Variants in PIGN observed in about 807,000 individuals in gnomAD.
PIGN encodes the protein GPI ethanolamine phosphate transferase 1.
Under a neutral mutation model 125.4 loss-of-function variants are expected in PIGN, and 117 were observed. The observed-to-expected ratio is 0.93, with a 90% confidence interval of 0.80 to 1.09. The LOEUF is 1.09. Among genes scored for constraint, PIGN ranks in the 50% least tolerant of loss-of-function variants. The pLI, the probability that PIGN is intolerant of heterozygous loss-of-function variation, is 0.00. For missense variants in PIGN, 1,075 were observed against 1,094.9 expected, an observed-to-expected ratio of 0.98 and a Z score of 0.26; for synonymous variants, 392 against 377.8, an observed-to-expected ratio of 1.04 and a Z score of -0.44.
intron 14 of PIGN, among the ~76,000 whole-genome samples, chr18:62,118,986 C>T (rs556811499): frequency 1.3e-5 from 2 of 151,876 alleles, no homozygotes; most frequent in East Asian, 3.9e-4. Context: ...TTGGTAGTCT[C>T]AAGATGTACA....
At chr18:62,060,203 A>C (rs1050673992) in intron 30 of PIGN, among the ~76,000 whole-genome samples, 2 of 152,236 alleles carry the variant, frequency 1.3e-5, no homozygotes, top group African/African-American at 4.8e-5. Context: ...GCAGAGTTAA[A>C]GGAACATCAA....
chr18:62,115,404 G>A (rs550473604), intron 14 of PIGN, among the ~76,000 whole-genome samples: 1 of 152,224 alleles, frequency 6.6e-6, no homozygotes, highest in East Asian at 1.9e-4. Context: ...AATATATGCT[G>A]CTTAACTAAA....
At chr18:62,057,056 C>A (rs2031784978) in intron 30 of PIGN, among the ~76,000 whole-genome samples, 1 of 152,154 alleles carries the variant, frequency 6.6e-6, no homozygotes, top group Non-Finnish European at 1.5e-5. Context: ...GAAACTGGTC[C>A]CTGGTGCCAA....
intron 12 of PIGN, 79 bp from the exon 13 acceptor site, chr18:62,139,154 G>T: frequency 2.6e-6 from 2 of 781,192 alleles, no homozygotes; most frequent in East Asian, 2.7e-5. Flanking sequence ...AGACTTAAAA[G>T]CAATAAAGAT....
At chr18:62,078,245 G>C (rs1347012828) in intron 28 of PIGN, among the ~76,000 whole-genome samples, 1 of 152,190 alleles carries the variant, frequency 6.6e-6, no homozygotes, top group African/African-American at 2.4e-5. Context: ...CTGGAGAGTG[G>C]AGCAGTTGGG....
At chr18:62,058,436 C>T (rs1165842293) in intron 30 of PIGN, among the ~76,000 whole-genome samples, 1 of 152,168 alleles carries the variant, frequency 6.6e-6, no homozygotes, top group Non-Finnish European at 1.5e-5. Context: ...ATTGAAATAG[C>T]ATCAACAGAA....
intron 23 of PIGN, among the ~76,000 whole-genome samples, chr18:62,033,891 T>C (rs1479003812): frequency 2.6e-5 from 4 of 152,210 alleles, no homozygotes; most frequent in South Asian, 2.1e-4. Context: ...CATAAGTGCA[T>C]TGAGACCAAT....
chr18:62,130,833 G>C (rs2035706976), intron 14 of PIGN, among the ~76,000 whole-genome samples: 1 of 151,740 alleles, frequency 6.6e-6, no homozygotes, highest in South Asian at 2.1e-4. Flanking sequence ...CTATTTAAAG[G>C]GAAAAATATT....
chr18:62,149,518 G>T (rs2036455663), intron 7 of PIGN, among the ~76,000 whole-genome samples: 1 of 152,054 alleles, frequency 6.6e-6, no homozygotes, highest in Non-Finnish European at 1.5e-5. Flanking sequence ...ATCCTTTCTG[G>T]CAGCTAGATG....
intron 23 of PIGN, among the ~76,000 whole-genome samples, chr18:62,022,866 C>A (rs1185606467): frequency 6.6e-6 from 1 of 152,270 alleles, no homozygotes; most frequent in East Asian, 1.9e-4. Flanking sequence ...TCTGCAGGTG[C>A]TCAAGTCCTT....
chr18:62,142,400 G>A (rs2036171607), intron 11 of PIGN, among the ~76,000 whole-genome samples: 1 of 152,186 alleles, frequency 6.6e-6, no homozygotes, highest in Non-Finnish European at 1.5e-5. Context: ...AATAAGGGAT[G>A]TTCTTGTTTT....
chr18:62,154,674 AT>A, intron 6 of PIGN, 23 bp from the exon 7 acceptor site: 1 of 1,067,984 alleles, frequency 9.4e-7, no homozygotes, highest in South Asian at 1.3e-5. Flanking sequence ...TTTGGAAAAA[AT>A]AATCTTTTTA....
At chr18:62,067,650 C>T (rs935957458) in intron 30 of PIGN, among the ~76,000 whole-genome samples, 2 of 152,210 alleles carry the variant, frequency 1.3e-5, no homozygotes, top group Admixed American at 6.5e-5. Flanking sequence ...GAGTTCATCA[C>T]TTACTCATTT....
intron 4 of PIGN, among the ~76,000 whole-genome samples, chr18:62,160,745 G>A (rs1050681970): frequency 2.6e-5 from 4 of 152,106 alleles, no homozygotes; most frequent in African/African-American, 9.7e-5. Context: ...CTGACCTCAG[G>A]TGATCCCTGT....
intron 6 of PIGN, among the ~76,000 whole-genome samples, chr18:62,154,855 A>G (rs571948194): frequency 6.6e-5 from 10 of 152,196 alleles, no homozygotes; most frequent in Non-Finnish European, 1.3e-4. Flanking sequence ...ACTTTAATGT[A>G]TTCTATTGCT....
chr18:62,114,485 A>G (rs1336887022), intron 15 of PIGN, 76 bp downstream of exon 15: 1 of 858,962 alleles, frequency 1.2e-6, no homozygotes, highest in Admixed American at 2.0e-5. Flanking sequence ...TGGCCTGCCT[A>G]CTTTGCTCTA....
At chr18:62,113,047 A>T (rs2034940835) in intron 16 of PIGN, 87 bp downstream of exon 16, 2 of 962,080 alleles carry the variant, frequency 2.1e-6, no homozygotes, top group Admixed American at 5.4e-5. Flanking sequence ...TAGAACAATG[A>T]CTTGCACATC....
At chr18:62,092,251 T>C (rs2033995230) in intron 23 of PIGN, among the ~76,000 whole-genome samples, 3 of 152,312 alleles carry the variant, frequency 2.0e-5, no homozygotes, top group Admixed American at 2.0e-4. Flanking sequence ...TAACATTTGA[T>C]ATTCTTATTT....
rs375027313 is a variant in PIGN at position 62,084,547 on chromosome 18, G to A, written c.2486C>T (p.Ala829Val). Residue 829 changes from alanine (A) to valine (V), a missense_variant, in exon 27 of 31, where the codon GCC becomes GTC. Physicochemically the swap from Ala to Val is moderately conservative, Grantham distance 64 (BLOSUM62 0). This residue lies in a region of PIGN where 915 missense variants were observed against 908.7 expected (regional missense o/e 1.01). Coordinates refer to ENST00000640252, the MANE Select transcript of PIGN (RefSeq NM_176787.5). The part of the protein sequence containing the change: ...LTVFSPFMMG[A>V]LMMWKILIPF... ...AAAACTAACCTTCCACATCATCAGG[G>A]CTCCCATCATAAAAGGACTGAACAC... 30 of 1,551,076 alleles carry A rather than the reference G, an allele frequency of 1.9e-5. No homozygotes were observed. Among genetic ancestry groups the A allele is most frequent in the Non-Finnish European group, 2.5e-5 (29 of 1,144,282 alleles).
Sources: gnomAD v4.1 joint callset for allele counts (sites outside exome capture counted in the v4.1 genomes callset) on GRCh38, gnomAD v4.1.1 for gene constraint, gnomAD v4.1.1 regional missense constraint, MANE v1.5 for transcripts, NCBI Gene and HGNC (gene_info 2026-07-23, HGNC 2026-07-21) for gene names.